The following SLAIN1 variants were observed in gnomAD, a reference collection of about 807,000 sequenced individuals.
The protein encoded by SLAIN1 is SLAIN motif-containing protein 1.
A neutral mutation model predicts 55.4 loss-of-function variants in SLAIN1; 17 were observed. The observed-to-expected ratio is 0.31, with a 90% CI of 0.21 to 0.46. SLAIN1 has a LOEUF of 0.46. SLAIN1 is among the 20% of genes least tolerant of loss of function. The pLI, the probability that SLAIN1 is intolerant of heterozygous loss-of-function variation, is 1.00. For synonymous variants in SLAIN1, 348 were observed against 337.4 expected, an observed-to-expected ratio of 1.03 and a Z score of -0.35; for missense variants, 682 against 785.1, an observed-to-expected ratio of 0.87 and a Z score of 1.57.
intron 2 of SLAIN1, among the ~76,000 whole-genome samples, chr13:77,736,011 A>G (rs1413742757): frequency 2.0e-5 from 3 of 152,046 alleles, no homozygotes; most frequent in Non-Finnish European, 4.4e-5. Flanking sequence ...CTCAACCTGA[A>G]CCTGTAAGAC....
intron 2 of SLAIN1, among the ~76,000 whole-genome samples, chr13:77,726,973 G>C (rs1037888870): frequency 6.6e-6 from 1 of 152,122 alleles, no homozygotes; most frequent in Admixed American, 6.5e-5. Context: ...TAGTGTAAAT[G>C]GCTTTTTTGG....
chr13:77,715,189 A>G (rs2091194833), intron 1 of SLAIN1, among the ~76,000 whole-genome samples: 2 of 152,160 alleles, frequency 1.3e-5, no homozygotes, highest in African/African-American at 4.8e-5. Flanking sequence ...GTCACAGACT[A>G]TGTACTCTTC....
rs1415353134 is a variant in SLAIN1 at position 77,763,792 on chromosome 13, A to G, written c.*572A>G. The G allele has an allele frequency of 6.5e-6, 1 of 152,724 alleles. No individual in the cohort carries two copies. Among genetic ancestry groups the G allele is most frequent in the African/African-American group, 2.4e-5 (1 of 41,456 alleles). 9.5% of individuals were successfully genotyped at this position (152,724 alleles called of 1,614,324 possible). A position where few individuals can be genotyped will look rare whatever the true frequency, so the allele number is the denominator to read the frequency against. ...AGGTACTATTTTTTTAGCTCTAGGG[A>G]TATATCAGCAAAAACACATCATGCA... On this transcript the variant is annotated 3_prime_UTR_variant, in exon 7 of 7. Coordinates refer to ENST00000418532, the MANE Select transcript of SLAIN1 (RefSeq NM_001242868.2).
rs998821754 is a variant in SLAIN1, at chr13:77,697,856, G to C, written c.-58G>C. 2.4e-6 allele frequency: 3 copies of C among 1,263,710 alleles called. No individual in the cohort carries two copies. Among genetic ancestry groups the C allele is most frequent in the Non-Finnish European group, 3.0e-6 (3 of 1,004,872 alleles). 78.3% of individuals were successfully genotyped at this position (1,263,710 alleles called of 1,614,324 possible). ...AGGAGCCGTAGCCTCCCCGTGGCCC[G>C]AGGAGCCGGCGCGGCGGCGCGCACT... On this transcript the variant is annotated 5_prime_UTR_variant, in exon 1 of 7. Transcript: ENST00000418532.
At chr13:77,742,689 A>G (rs1335794377) in intron 2 of SLAIN1, 1 of 152,566 alleles carries the variant, frequency 6.6e-6, no homozygotes, top group Non-Finnish European at 1.5e-5. Flanking sequence ...ATTGCAAAAC[A>G]CTAAATCCTT....
At chr13:77,724,855 A>T (rs1144373) in intron 2 of SLAIN1, among the ~76,000 whole-genome samples, 19,555 of 151,732 alleles carry the variant, frequency 0.13, 2,255 homozygotes, top group African/African-American at 0.31. Flanking sequence ...TCGTCATTTT[A>T]TTTTTCTTTT....
chr13:77,703,858 A>G (rs528987717), intron 1 of SLAIN1, among the ~76,000 whole-genome samples: 2 of 146,796 alleles, frequency 1.4e-5, no homozygotes, highest in South Asian at 2.1e-4. Flanking sequence ...ACCACATATT[A>G]CTTTTCAGTG....
intron 4 of SLAIN1, among the ~76,000 whole-genome samples, chr13:77,748,360 T>TTAAAATTGAG (rs768004271): frequency 2.0e-4 from 30 of 150,064 alleles, no homozygotes; most frequent in Non-Finnish European, 4.1e-4. Flanking sequence ...TAACATCTTA[T>TTAAAATTGAG]TAAAATTGAG....
rs1003157786 is a variant in SLAIN1 at position 77,746,460 on chromosome 13, A to G, written c.917-54A>G. ...TTTCATCTAATACTTGGTTAATTAT[A>G]ACTAAATGTTAGCTAGATCAAAATA... On this transcript the variant is annotated intron_variant, in intron 3 of 6. Transcript: ENST00000418532. 4.9e-6 allele frequency: 7 copies of G among 1,433,590 alleles called. No individual in the cohort carries two copies. In the African/African-American group the frequency reaches 1.0e-4, roughly 20 times the overall value. 88.8% of individuals were successfully genotyped at this position (1,433,590 alleles called of 1,614,324 possible). A position where few individuals can be genotyped will look rare whatever the true frequency, so the allele number is the denominator to read the frequency against.
At chr13:77,745,744 G>A (rs1322967742) in intron 3 of SLAIN1, among the ~76,000 whole-genome samples, 3 of 152,144 alleles carry the variant, frequency 2.0e-5, no homozygotes, top group Non-Finnish European at 4.4e-5. Flanking sequence ...AAGGGGAAAA[G>A]TGGTTATTTT....
At chr13:77,703,030 A>G (rs889643291) in intron 1 of SLAIN1, among the ~76,000 whole-genome samples, 1 of 152,164 alleles carries the variant, frequency 6.6e-6, no homozygotes, top group South Asian at 2.1e-4. Flanking sequence ...GCACACCTCA[A>G]CCAGGAAGAT....
At chr13:77,703,302 C>T (rs1487745809) in intron 1 of SLAIN1, among the ~76,000 whole-genome samples, 1 of 152,018 alleles carries the variant, frequency 6.6e-6, no homozygotes. Flanking sequence ...TACCAAGACC[C>T]CAGACAGCTG....
Position 77,698,641 on chromosome 13 carries a change from G to A in SLAIN1, c.626+102G>A. On this transcript the variant is annotated intron_variant, in intron 1 of 6. Transcript: ENST00000418532. The surrounding 1 kb of genome is among the most constrained non-coding windows in gnomAD (Gnocchi z 4.1). Reference sequence around the variant, plus strand: ...GGACGGGGGTCCCCTCGCGGCAGCCGGGGTGACTCCCCGCGGCTCCCGGAG... The same window carrying A: ...GGACGGGGGTCCCCTCGCGGCAGCCAGGGTGACTCCCCGCGGCTCCCGGAG... 6.9e-6 allele frequency: 9 copies of A among 1,306,902 alleles called. No homozygotes were observed. The highest frequency in any genetic ancestry group is 7.8e-6 in the Non-Finnish European group (8 of 1,030,484). 81.0% of individuals were successfully genotyped at this position (1,306,902 alleles called of 1,614,324 possible). A position where few individuals can be genotyped will look rare whatever the true frequency, so the allele number is the denominator to read the frequency against.
intron 1 of SLAIN1, among the ~76,000 whole-genome samples, chr13:77,717,058 G>A (rs2091215024): frequency 6.6e-6 from 1 of 152,018 alleles, no homozygotes; most frequent in Admixed American, 6.6e-5. Flanking sequence ...ATTTTTATCA[G>A]GAGTGGATGT....
At chr13:77,748,502 G>C (rs1281897634) in intron 4 of SLAIN1, among the ~76,000 whole-genome samples, 1 of 149,736 alleles carries the variant, frequency 6.7e-6, no homozygotes, top group Non-Finnish European at 1.5e-5. Flanking sequence ...ATTGTCAATG[G>C]GATCATTTTT....
chr13:77,750,848 C>T (rs1874158215), intron 4 of SLAIN1, among the ~76,000 whole-genome samples: 1 of 152,020 alleles, frequency 6.6e-6, no homozygotes, highest in Non-Finnish European at 1.5e-5. Context: ...TTAGTAAGAC[C>T]CACATGAGTA....
chr13:77,721,311 C>G (rs1470198933), intron 2 of SLAIN1, among the ~76,000 whole-genome samples: 1 of 152,118 alleles, frequency 6.6e-6, no homozygotes, highest in Admixed American at 6.5e-5. Flanking sequence ...TGAGGCCTCC[C>G]CAGCCATGGG....
intron 1 of SLAIN1, among the ~76,000 whole-genome samples, chr13:77,701,301 ATTC>A (rs1186469086): frequency 1.3e-5 from 2 of 152,160 alleles, no homozygotes; most frequent in African/African-American, 4.8e-5. Flanking sequence ...TATTTTAGCT[ATTC>A]TTTTATGTAA....
Position 77,698,098 on chromosome 13 carries a change from T to TGCC in SLAIN1, c.198_200dup (p.Pro67dup), listed in dbSNP as rs557214778. The TGCC allele has an allele frequency of 5.0e-3, 5,632 of 1,131,686 alleles. 210 individuals carry two copies. In the African/African-American group the frequency reaches 0.093, roughly 19 times the overall value. 70.1% of individuals were successfully genotyped at this position (1,131,686 alleles called of 1,614,324 possible). On this transcript the variant is annotated inframe_insertion, in exon 1 of 7. Coordinates refer to ENST00000418532, the MANE Select transcript of SLAIN1 (RefSeq NM_001242868.2). The surrounding 1 kb of genome is among the most constrained non-coding windows in gnomAD (Gnocchi z 4.1). ...GCCGCCGCCCCGCACCTGCTGCTGC[T>TGCC]GCCGCCGCCGCCGCCCGCCGCGCCG...
Sources: gnomAD v4.1 joint callset for allele counts (sites outside exome capture counted in the v4.1 genomes callset) on GRCh38, gnomAD v4.1.1 for gene constraint, Gnocchi (gnomAD v3.1) non-coding constraint, MANE v1.5 for transcripts, NCBI Gene and HGNC (gene_info 2026-07-23, HGNC 2026-07-21) for gene names.